CFAP47: variants seen among roughly 807,000 people sequenced by gnomAD.
The protein encoded by CFAP47 is cilia and flagella associated protein 47.
A neutral mutation model predicts 148.1 loss-of-function variants in CFAP47; 29 were observed. The ratio of observed to expected loss-of-function variants is 0.20; its 90% CI spans 0.15 to 0.27. The LOEUF (loss-of-function observed/expected upper bound fraction) is 0.27, where lower values mean the gene tolerates loss of function less well. Ranked by LOEUF, CFAP47 falls within the 10% of genes least tolerant of loss-of-function variation. The pLI, the probability that CFAP47 is intolerant of heterozygous loss-of-function variation, is 1.00. For missense variants in CFAP47, 1,872 were observed against 1,697.5 expected, an observed-to-expected ratio of 1.10 and a Z score of -1.81; for synonymous variants, 664 against 577.3, an observed-to-expected ratio of 1.15 and a Z score of -2.15.
chrX:36,134,837 T>G (rs913700519), intron 33 of CFAP47, among the ~76,000 whole-genome samples: 20 of 110,918 alleles, frequency 1.8e-4, no homozygotes, highest in Admixed American at 1.7e-3. Context: ...ACAAATTTCT[T>G]GTATGCAGGA....
chrX:36,283,615 C>T (rs1324825953), intron 50 of CFAP47, among the ~76,000 whole-genome samples: 1 of 111,821 alleles, frequency 8.9e-6, no homozygotes, highest in East Asian at 2.8e-4. Context: ...GAGCTTCATC[C>T]AATCAGTTGA....
At chrX:35,973,218 C>T (rs1051131019) in intron 13 of CFAP47, among the ~76,000 whole-genome samples, 1 of 111,376 alleles carries the variant, frequency 9.0e-6, no homozygotes, top group African/African-American at 3.3e-5. Flanking sequence ...GCGACGGAGT[C>T]TCGCTCTGTC....
rs778118074 is a variant in CFAP47, at chrX:36,103,070, A to G, written c.5128-1429A>G. Among the ~76,000 whole-genome samples, 32 of 111,364 alleles carry G rather than the reference A, an allele frequency of 2.9e-4. No homozygotes were observed. In the South Asian group the frequency reaches 0.012, roughly 42 times the overall value. On this transcript the variant is annotated intron_variant, in intron 32 of 63. Transcript: ENST00000378653. ...GAAACACTGTATGGCATAAATATGC[A>G]TTACTTAGAAAAAGAGCACTTTTTC...
intron 1 of CFAP47, among the ~76,000 whole-genome samples, chrX:35,925,460 G>A (rs879141247): frequency 9.0e-6 from 1 of 111,541 alleles, no homozygotes; most frequent in Admixed American, 9.5e-5. Context: ...GTGATGTGAT[G>A]GATATGTTAA....
Position 35,975,907 on chromosome X carries a change from G to A in CFAP47, c.2707G>A (p.Ala903Thr), listed in dbSNP as rs776466903. 6.6e-6 allele frequency: 8 copies of A among 1,210,014 alleles called. No homozygotes were observed. In the South Asian group the frequency reaches 1.4e-4, roughly 21 times the overall value. Residue 903 changes from alanine (A) to threonine (T), a missense_variant, in exon 15 of 64, where the codon GCT becomes ACT. Transcript: ENST00000378653. ...AGGGATAGCATTTTCTATTTGTCCA[G>A]CTAAAGGTAACAGTTTATTGTTTGT... is the stretch of plus-strand genomic sequence containing the variant. ...GRGIAFSICP[A>T]KGTVEAYSSL... is the part of the protein sequence containing the mutation.
At chrX:36,167,371 A>C (rs753748076) in intron 39 of CFAP47, among the ~76,000 whole-genome samples, 1 of 111,638 alleles carries the variant, frequency 9.0e-6, no homozygotes, top group Non-Finnish European at 1.9e-5. Context: ...CTTTTTCTTC[A>C]GCAAACCCTC....
intron 63 of CFAP47, among the ~76,000 whole-genome samples, chrX:36,382,937 A>G (rs1364032030): frequency 9.0e-6 from 1 of 111,613 alleles, no homozygotes; most frequent in Non-Finnish European, 1.9e-5. Context: ...TAGAAGATAT[A>G]AAGTTATATC....
chrX:36,213,871 G>A (rs112809074), intron 45 of CFAP47, among the ~76,000 whole-genome samples: 2 of 111,761 alleles, frequency 1.8e-5, no homozygotes, highest in African/African-American at 3.3e-5. Flanking sequence ...TGGGAGATGC[G>A]AATTCAGGGC....
intron 30 of CFAP47, 22 bp downstream of exon 30, chrX:36,085,560 T>C: frequency 1.0e-6 from 1 of 978,444 alleles, no homozygotes; most frequent in Middle Eastern, 2.7e-4. Flanking sequence ...GATGTGCTCA[T>C]ATAAGCATAT....
chrX:36,213,081 G>A (rs1459691470), intron 45 of CFAP47, among the ~76,000 whole-genome samples: 7 of 111,262 alleles, frequency 6.3e-5, no homozygotes, highest in African/African-American at 2.3e-4. Context: ...CCACTGCATC[G>A]AAAGTGAGGT....
intron 39 of CFAP47, among the ~76,000 whole-genome samples, chrX:36,175,372 G>C (rs750096191): frequency 5.4e-5 from 6 of 111,970 alleles, no homozygotes; most frequent in South Asian, 3.7e-4. Context: ...GAGGAGAGGC[G>C]CTCTGCTTTT....
chrX:35,996,773 C>A (rs917241746), intron 18 of CFAP47, among the ~76,000 whole-genome samples: 2 of 111,626 alleles, frequency 1.8e-5, no homozygotes, highest in African/African-American at 3.2e-5. Context: ...TTGGCCTCTG[C>A]AAGAGTCAGT....
chrX:36,003,326 A>T (rs1337930066), intron 21 of CFAP47, among the ~76,000 whole-genome samples: 4 of 109,060 alleles, frequency 3.7e-5, no homozygotes, highest in African/African-American at 1.3e-4. Flanking sequence ...GCTGAATCCA[A>T]TTCCCTAGTA....
chrX:35,936,161 T>C (rs1479324817), intron 2 of CFAP47, among the ~76,000 whole-genome samples: 3 of 111,676 alleles, frequency 2.7e-5, no homozygotes, highest in Non-Finnish European at 5.6e-5. Flanking sequence ...GGATCATTTG[T>C]TATTGTCCCA....
intron 54 of CFAP47, among the ~76,000 whole-genome samples, chrX:36,306,359 A>T (rs782019274): frequency 1.8e-5 from 2 of 111,967 alleles, no homozygotes; most frequent in Non-Finnish European, 3.8e-5. Context: ...CTTTGCTTAG[A>T]AACAGTTCAT....
intron 57 of CFAP47, among the ~76,000 whole-genome samples, chrX:36,335,229 A>G (rs1362062228): frequency 9.0e-6 from 1 of 111,161 alleles, no homozygotes; most frequent in Non-Finnish European, 1.9e-5. Flanking sequence ...TACTAAGACG[A>G]GATATGGTGT....
intron 48 of CFAP47, among the ~76,000 whole-genome samples, chrX:36,251,053 C>T (rs781834187): frequency 9.9e-5 from 11 of 111,229 alleles, no homozygotes; most frequent in Non-Finnish European, 1.7e-4. Flanking sequence ...CATCAATGAT[C>T]TTGATATAAG....
At chrX:36,374,748 T>A in intron 62 of CFAP47, 1 of 495,150 alleles carries the variant, frequency 2.0e-6, no homozygotes, top group Non-Finnish European at 3.3e-6. Flanking sequence ...CTCAATATAT[T>A]TTTTTTTCCA....
chrX:35,920,138 C>A, intron 1 of CFAP47, 90 bp downstream of exon 1: 1 of 1,007,427 alleles, frequency 9.9e-7, no homozygotes, highest in Non-Finnish European at 1.3e-6. Flanking sequence ...AGTCATCTGG[C>A]TCCTGCCGGG....
Sources: allele counts gnomAD v4.1 joint callset (sites outside exome capture counted in the v4.1 genomes callset), GRCh38; gene constraint gnomAD v4.1.1; transcripts MANE v1.5; gene names NCBI Gene and HGNC (gene_info 2026-07-23, HGNC 2026-07-21).